Variants in DPYD observed in about 807,000 individuals in gnomAD.
DPYD encodes the protein dihydropyrimidine dehydrogenase.
A neutral mutation model predicts 116.2 loss-of-function variants in DPYD; 109 were observed. The ratio of observed to expected loss-of-function variants is 0.94; its 90% CI spans 0.80 to 1.10. DPYD has a LOEUF of 1.10. Ranked by LOEUF, DPYD falls within the 50% of genes least tolerant of loss-of-function variation. The pLI, the probability that DPYD is intolerant of heterozygous loss-of-function variation, is 0.00. For synonymous variants in DPYD, 440 were observed against 432.0 expected, an observed-to-expected ratio of 1.02 and a Z score of -0.23; for missense variants, 1,302 against 1,254.5, an observed-to-expected ratio of 1.04 and a Z score of -0.57.
At chr1:97,461,051 A>G (rs1570770026) in intron 13 of DPYD, among the ~76,000 whole-genome samples, 1 of 151,806 alleles carries the variant, frequency 6.6e-6, no homozygotes, top group Non-Finnish European at 1.5e-5. Flanking sequence ...AAAAAAAAAA[A>G]AGAAAGAAGC....
At chr1:97,582,145 T>C (rs1653731970) in intron 10 of DPYD, among the ~76,000 whole-genome samples, 1 of 152,172 alleles carries the variant, frequency 6.6e-6, no homozygotes, top group South Asian at 2.1e-4. Context: ...TACATAACTA[T>C]CTGAGTATAA....
chr1:97,471,033 T>C (rs746916543), intron 13 of DPYD, among the ~76,000 whole-genome samples: 6 of 151,882 alleles, frequency 4.0e-5, no homozygotes, highest in Admixed American at 2.0e-4. Flanking sequence ...CACTGCTTGA[T>C]CTGGTAATGG....
intron 3 of DPYD, among the ~76,000 whole-genome samples, chr1:97,755,343 C>G (rs1665171462): frequency 6.6e-6 from 1 of 152,160 alleles, no homozygotes; most frequent in Non-Finnish European, 1.5e-5. Context: ...TGGGATGCCC[C>G]CATTAGTGAT....
chr1:97,296,407 G>A (rs2101005396), intron 18 of DPYD, among the ~76,000 whole-genome samples: 1 of 151,872 alleles, frequency 6.6e-6, no homozygotes, highest in Non-Finnish European at 1.5e-5. Flanking sequence ...GATAAACAAG[G>A]ATTTCCAATG....
rs763506271 is a variant in DPYD at position 97,373,596 on chromosome 1, T to C, written c.2023A>G (p.Met675Val). The change falls in exon 16 of 23, where the codon ATG becomes GTG. Residue 675 changes from methionine (M) to valine (V), a missense_variant. Coordinates refer to ENST00000370192, the MANE Select transcript of DPYD (RefSeq NM_000110.4). Reference protein sequence around the residue: ...LELNLSCPHGMGERGMGLACG... With the variant: ...LELNLSCPHGVGERGMGLACG... ...GCCAGGCCCATTCCTCTTTCTCCCA[T>C]GCCATGTGGACATGATAAATTTAAC... The C allele has an allele frequency of 3.5e-5, 57 of 1,613,794 alleles. No homozygotes were observed. Among genetic ancestry groups the C allele is most frequent in the Non-Finnish European group, 4.7e-5 (56 of 1,179,848 alleles).
chr1:97,381,125 C>T (rs1454984438), intron 15 of DPYD, among the ~76,000 whole-genome samples: 1 of 152,024 alleles, frequency 6.6e-6, no homozygotes, highest in African/African-American at 2.4e-5. Flanking sequence ...ACCTTTTCCT[C>T]CCTTCTTTCT....
chr1:97,840,678 A>G (rs1021609549), intron 2 of DPYD, among the ~76,000 whole-genome samples: 1 of 152,126 alleles, frequency 6.6e-6, no homozygotes, highest in Non-Finnish European at 1.5e-5. Context: ...AGTTATGTGC[A>G]CAAATGATGT....
At chr1:97,826,339 A>G (rs1669245354) in intron 3 of DPYD, among the ~76,000 whole-genome samples, 1 of 152,156 alleles carries the variant, frequency 6.6e-6, no homozygotes, top group South Asian at 2.1e-4. Flanking sequence ...AATTTCCTAC[A>G]CTGATTACAT....
At chr1:97,498,911 G>T (rs1679421382) in intron 13 of DPYD, among the ~76,000 whole-genome samples, 3 of 151,548 alleles carry the variant, frequency 2.0e-5, no homozygotes, top group Admixed American at 1.3e-4. Flanking sequence ...TAAACATAAA[G>T]AAATATTTTT....
chr1:97,681,099 T>C (rs1448043598), intron 7 of DPYD, among the ~76,000 whole-genome samples: 3 of 152,148 alleles, frequency 2.0e-5, no homozygotes, highest in Non-Finnish European at 4.4e-5. Context: ...TACTGACTCA[T>C]TTAATCCCCA....
At position 97,287,123 on chromosome 1, in the gene DPYD, C is replaced by T. The variant is rs879243236; in HGVS notation, c.2299+18136G>A. Among the ~76,000 whole-genome samples the T allele has an allele frequency of 3.9e-5, 6 of 152,184 alleles. No homozygotes were observed. In the South Asian group the frequency reaches 6.2e-4, roughly 16 times the overall value. On this transcript the variant is annotated intron_variant, in intron 18 of 22. Coordinates refer to ENST00000370192, the MANE Select transcript of DPYD (RefSeq NM_000110.4). ...GTTTTTGGTGTGGATGTCCTTTCTG[C>T]TTGTTAGTTTTCCTTCTAACAGACA...
At chr1:97,171,558 C>G (rs932308883) in intron 20 of DPYD, among the ~76,000 whole-genome samples, 1 of 152,206 alleles carries the variant, frequency 6.6e-6, no homozygotes, top group Non-Finnish European at 1.5e-5. Context: ...TGCCTCTGCT[C>G]TTTCCAGCAT....
intron 12 of DPYD, among the ~76,000 whole-genome samples, chr1:97,542,711 G>A (rs567194090): frequency 7.5e-4 from 114 of 152,166 alleles, no homozygotes; most frequent in African/African-American, 2.5e-3. Flanking sequence ...CTAGACAATA[G>A]GATTCTTACT....
At chr1:97,326,750 T>C (rs1319756496) in intron 16 of DPYD, among the ~76,000 whole-genome samples, 1 of 152,038 alleles carries the variant, frequency 6.6e-6, no homozygotes, top group Non-Finnish European at 1.5e-5. Context: ...GAAGGCAGAT[T>C]GCAAGGGGTT....
intron 12 of DPYD, among the ~76,000 whole-genome samples, chr1:97,537,232 T>C (rs6659732): frequency 0.021 from 3,256 of 152,306 alleles, 121 homozygotes; most frequent in African/African-American, 0.075. Context: ...CGAGGCAGAG[T>C]TATTACCATT....
chr1:97,845,567 T>C (rs1397322767), intron 2 of DPYD, among the ~76,000 whole-genome samples: 1 of 152,126 alleles, frequency 6.6e-6, no homozygotes, highest in East Asian at 1.9e-4. Flanking sequence ...TCTACCTTGC[T>C]CTCCCTCCAG....
At chr1:97,866,349 T>A (rs564734899) in intron 2 of DPYD, among the ~76,000 whole-genome samples, 1 of 152,000 alleles carries the variant, frequency 6.6e-6, no homozygotes, top group Non-Finnish European at 1.5e-5. Context: ...TGACAACAGA[T>A]ACTGATGGAT....
chr1:97,445,434 G>T (rs577082248), intron 14 of DPYD, among the ~76,000 whole-genome samples: 1 of 152,234 alleles, frequency 6.6e-6, no homozygotes, highest in South Asian at 2.1e-4. Context: ...CATATTCATA[G>T]CTTCTCCTAT....
At chr1:97,459,695 A>AT (rs1315713030) in intron 13 of DPYD, among the ~76,000 whole-genome samples, 2 of 152,148 alleles carry the variant, frequency 1.3e-5, no homozygotes, top group African/African-American at 2.4e-5. Flanking sequence ...AAATGAAGAC[A>AT]TTTCCAACAA....
Sources: gnomAD v4.1 joint callset for allele counts (sites outside exome capture counted in the v4.1 genomes callset) on GRCh38, gnomAD v4.1.1 for gene constraint, MANE v1.5 for transcripts, NCBI Gene and HGNC (gene_info 2026-07-23, HGNC 2026-07-21) for gene names.